The following RARB variants were observed in gnomAD, a reference collection of about 807,000 sequenced individuals.
RARB encodes the protein HBV-activated protein.
RARB carries 17 observed loss-of-function variants against 51.9 expected under a neutral mutation model. The ratio of observed to expected loss-of-function variants is 0.33; its 90% CI spans 0.22 to 0.49. The LOEUF is 0.49. RARB is among the 20% of genes least tolerant of loss of function. The probability of loss-of-function intolerance (pLI) is 0.99; values close to 1 mark genes in which losing one functional copy is unlikely to be tolerated. For missense variants in RARB, 369 were observed against 550.8 expected, an observed-to-expected ratio of 0.67 and a Z score of 3.30; for synonymous variants, 215 against 195.4, an observed-to-expected ratio of 1.10 and a Z score of -0.84.
At chr3:25,205,994 A>C (rs1198774252) in intron 5 of RARB, among the ~76,000 whole-genome samples, 2 of 152,202 alleles carry the variant, frequency 1.3e-5, no homozygotes, top group African/African-American at 4.8e-5. Flanking sequence ...TAAGTGTTCC[A>C]AGCATGTTTA....
At chr3:24,943,113 C>T (rs1559405651) in intron 2 of RARB, among the ~76,000 whole-genome samples, 1 of 152,132 alleles carries the variant, frequency 6.6e-6, no homozygotes, top group Non-Finnish European at 1.5e-5. Context: ...AGTTTCTTGA[C>T]TTAGATTCCT....
At chr3:24,909,688 G>A (rs1315563392) in intron 2 of RARB, among the ~76,000 whole-genome samples, 1 of 151,408 alleles carries the variant, frequency 6.6e-6, no homozygotes, top group East Asian at 1.9e-4. Flanking sequence ...TTATTTACTA[G>A]GGATTCATCC....
intron 5 of RARB, among the ~76,000 whole-genome samples, chr3:25,306,992 T>C (rs543470364): frequency 6.6e-6 from 1 of 152,308 alleles, no homozygotes; most frequent in South Asian, 2.1e-4. Flanking sequence ...ATACATTCCT[T>C]CACATTCTAC....
At chr3:25,581,635 T>G (rs1209579104) in intron 5 of RARB, among the ~76,000 whole-genome samples, 1 of 152,216 alleles carries the variant, frequency 6.6e-6, no homozygotes, top group Non-Finnish European at 1.5e-5. Flanking sequence ...ATGTATATGT[T>G]GAAGCCTTAA....
At chr3:25,106,038 T>C (rs1699493039) in intron 3 of RARB, among the ~76,000 whole-genome samples, 2 of 152,224 alleles carry the variant, frequency 1.3e-5, no homozygotes, top group South Asian at 4.1e-4. Flanking sequence ...ATGACAACAG[T>C]GGAAAGACAG....
chr3:25,328,396 T>C (rs1410496555), intron 5 of RARB, among the ~76,000 whole-genome samples: 1 of 152,224 alleles, frequency 6.6e-6, no homozygotes, highest in Non-Finnish European at 1.5e-5. Context: ...GGTGCACACC[T>C]GTAATCCCAG....
At chr3:25,390,500 T>C (rs1484991871) in intron 5 of RARB, among the ~76,000 whole-genome samples, 1 of 152,186 alleles carries the variant, frequency 6.6e-6, no homozygotes, top group African/African-American at 2.4e-5. Flanking sequence ...CCAAATGGAC[T>C]AAGACTGGGT....
chr3:24,892,551 G>A (rs1473723546), intron 2 of RARB, among the ~76,000 whole-genome samples: 1 of 152,154 alleles, frequency 6.6e-6, no homozygotes, highest in South Asian at 2.1e-4. Context: ...TTGCAAATTT[G>A]TCTGTGAGCA....
chr3:25,353,543 A>C (rs747615306), intron 5 of RARB, among the ~76,000 whole-genome samples: 1 of 150,466 alleles, frequency 6.6e-6, no homozygotes, highest in African/African-American at 2.4e-5. Flanking sequence ...GTTAAAATTA[A>C]CCATAAGATT....
chr3:25,071,735 C>A lies in RARB; in HGVS notation c.-328+11559C>A, dbSNP rs77455098. Among the ~76,000 whole-genome samples the A allele has an allele frequency of 4.4e-3, 675 of 152,246 alleles. 10 individuals carry two copies. Among genetic ancestry groups the A allele is most frequent in the South Asian group, 0.037 (177 of 4,822 alleles). ...AAAATACTTGGAGGAGAAATTCCGG[C>A]CTTATGGTATAAGGAGAGGCGCTGC... On this transcript the variant is annotated intron_variant, in intron 3 of 11. Coordinates refer to the RARB transcript ENST00000383772.
intron 3 of RARB, among the ~76,000 whole-genome samples, chr3:25,124,756 G>T (rs1296507189): frequency 1.3e-5 from 2 of 152,148 alleles, no homozygotes; most frequent in East Asian, 3.8e-4. Context: ...TTTGATTTAT[G>T]GTCCTTATTT....
At chr3:25,354,610 G>A (rs999801649) in intron 5 of RARB, among the ~76,000 whole-genome samples, 18 of 152,030 alleles carry the variant, frequency 1.2e-4, no homozygotes, top group African/African-American at 2.7e-4. Context: ...GAACTTACTC[G>A]GCTCCCCTCA....
intron 5 of RARB, among the ~76,000 whole-genome samples, chr3:25,410,956 C>G (rs975462226): frequency 1.3e-5 from 2 of 152,172 alleles, no homozygotes; most frequent in Non-Finnish European, 2.9e-5. Flanking sequence ...GAAGTTAAAG[C>G]CTTACAGAAG....
intron 2 of RARB, among the ~76,000 whole-genome samples, chr3:24,869,316 T>C (rs1276798275): frequency 6.6e-6 from 1 of 152,190 alleles, no homozygotes; most frequent in Non-Finnish European, 1.5e-5. Context: ...AAAAAGATTT[T>C]AAAGGAAGTA....
intron 3 of RARB, among the ~76,000 whole-genome samples, chr3:25,079,624 T>G (rs538220035): frequency 6.6e-6 from 1 of 152,344 alleles, no homozygotes; most frequent in East Asian, 1.9e-4. Context: ...AGATACTTTT[T>G]CCATATCCGC....
intron 3 of RARB, among the ~76,000 whole-genome samples, chr3:25,504,782 T>G (rs1278389385): frequency 6.7e-6 from 1 of 148,170 alleles, no homozygotes; most frequent in African/African-American, 2.5e-5. Context: ...TTTTTTTTTT[T>G]TTTTTTTTTG....
At chr3:25,221,045 A>G (rs1701937152) in intron 5 of RARB, among the ~76,000 whole-genome samples, 1 of 152,130 alleles carries the variant, frequency 6.6e-6, no homozygotes, top group South Asian at 2.1e-4. Flanking sequence ...ACACCTTTGC[A>G]AATCTATTCT....
rs549849092 is a variant in RARB at position 24,842,505 on chromosome 3, A to G, written c.-459+13102A>G. ...GACTCCCTTGGCCAATAATCTCATA[A>G]CTATGGGATATATATTAAATCCTTT... On this transcript the variant is annotated intron_variant, in intron 1 of 11. Coordinates refer to the RARB transcript ENST00000383772. Among the ~76,000 whole-genome samples, 4 of 152,298 alleles carry G rather than the reference A, an allele frequency of 2.6e-5. No homozygotes were observed. In the East Asian group the frequency reaches 7.7e-4, roughly 29 times the overall value.
At chr3:25,025,330 A>G (rs1697724452) in intron 2 of RARB, among the ~76,000 whole-genome samples, 1 of 152,196 alleles carries the variant, frequency 6.6e-6, no homozygotes. Context: ...AACTGACTGT[A>G]TCTTGGAGCC....
Sources: allele counts gnomAD v4.1 joint callset (sites outside exome capture counted in the v4.1 genomes callset), GRCh38; gene constraint gnomAD v4.1.1; transcripts MANE v1.5; gene names NCBI Gene and HGNC (gene_info 2026-07-23, HGNC 2026-07-21).